Variants in C1orf54 observed in about 807,000 individuals in gnomAD.
C1orf54 encodes chromosome 1 open reading frame 54.
In C1orf54, 12 loss-of-function variants were observed where a neutral mutation model predicts 14.7. The ratio of observed to expected loss-of-function variants is 0.82; its 90% CI spans 0.52 to 1.32. The LOEUF (loss-of-function observed/expected upper bound fraction) is 1.32. Among genes scored for constraint, C1orf54 ranks in the 40% most tolerant of loss-of-function variants. The probability of loss-of-function intolerance (pLI) is 0.00; values close to 1 mark genes in which losing one functional copy is unlikely to be tolerated. For synonymous variants in C1orf54, 65 were observed against 56.3 expected, an observed-to-expected ratio of 1.16 and a Z score of -0.70; for missense variants, 163 against 162.2, an observed-to-expected ratio of 1.00 and a Z score of -0.03.
chr1:150,269,209 C>T (rs1288118175), upstream of C1orf54: 2 of 186,298 alleles, frequency 1.1e-5, no homozygotes, highest in Admixed American at 5.6e-5. Context: ...CCAGTCGAGA[C>T]ACCAATTCCA....
At chr1:150,270,453 C>A (rs1474451207), upstream of C1orf54, among the ~76,000 whole-genome samples, 2 of 151,528 alleles carry the variant, frequency 1.3e-5, no homozygotes, top group Non-Finnish European at 2.9e-5. Context: ...ACTAGCCTGG[C>A]CAGTGTGGTA....
At chr1:150,275,999 C>T (rs1189591871) in intron 3 of C1orf54, among the ~76,000 whole-genome samples, 200 bp downstream of exon 3, 1 of 152,056 alleles carries the variant, frequency 6.6e-6, no homozygotes, top group Non-Finnish European at 1.5e-5. Context: ...ATTAGTTGGA[C>T]ATGGTAGCAT....
intron 1 of C1orf54, among the ~76,000 whole-genome samples, chr1:150,273,153 CAG>C (rs1216970396): frequency 6.6e-6 from 1 of 152,156 alleles, no homozygotes; most frequent in African/African-American, 2.4e-5. Context: ...AACAAGATGA[CAG>C]GGGCTAAAGT....
chr1:150,272,912 A>C, intron 1 of C1orf54, 49 bp downstream of exon 1: 2 of 1,600,164 alleles, frequency 1.2e-6, no homozygotes, highest in East Asian at 4.5e-5. Context: ...TTCTACCATA[A>C]ATGGGGTGGG....
At chr1:150,269,951 A>T (rs1652079602), upstream of C1orf54, among the ~76,000 whole-genome samples, 1 of 152,078 alleles carries the variant, frequency 6.6e-6, no homozygotes, top group Non-Finnish European at 1.5e-5. Flanking sequence ...GGGCAAATAT[A>T]GCTTGAACCC....
At chr1:150,278,860 C>T (rs1652877148) in intron 4 of C1orf54, among the ~76,000 whole-genome samples, 1 of 152,150 alleles carries the variant, frequency 6.6e-6, no homozygotes, top group African/African-American at 2.4e-5. Flanking sequence ...AAAAGAGAAG[C>T]AACGGCTGGA....
chr1:150,276,695 T>C (rs1652690968), intron 4 of C1orf54, 63 bp downstream of exon 4: 5 of 1,293,148 alleles, frequency 3.9e-6, no homozygotes, highest in African/African-American at 2.9e-5. Context: ...GTGGAATACA[T>C]AGAGGGCTGG....
At chr1:150,270,856 C>T (rs1324810272), upstream of C1orf54, among the ~76,000 whole-genome samples, 3 of 151,024 alleles carry the variant, frequency 2.0e-5, no homozygotes, top group Non-Finnish European at 3.0e-5. Flanking sequence ...ATTAGCCAGG[C>T]GTGGTGGCGG....
chr1:150,277,996 C>T (rs887834643), intron 4 of C1orf54, among the ~76,000 whole-genome samples: 3 of 152,110 alleles, frequency 2.0e-5, no homozygotes, highest in Non-Finnish European at 4.4e-5. Flanking sequence ...ACCTGGGAGG[C>T]TGAGGCAGGA....
upstream of C1orf54, chr1:150,272,612 T>A (rs1228136768): frequency 3.4e-6 from 2 of 594,150 alleles, no homozygotes; most frequent in Non-Finnish European, 6.0e-6. Flanking sequence ...CCCTTTTGCC[T>A]CTCAATCTGG....
upstream of C1orf54, chr1:150,272,384 C>G (rs1652271583): frequency 5.7e-6 from 1 of 175,178 alleles, no homozygotes; most frequent in African/African-American, 2.4e-5. Context: ...GATGAAGCCT[C>G]AGAGAGAAAG....
chr1:150,273,855 T>A (rs1407776517), intron 1 of C1orf54, among the ~76,000 whole-genome samples: 1 of 152,140 alleles, frequency 6.6e-6, no homozygotes, highest in East Asian at 1.9e-4. Context: ...TAGGAGTTCC[T>A]GGATTGAAAG....
chr1:150,268,983 G>T (rs201940610), upstream of C1orf54: 3 of 573,848 alleles, frequency 5.2e-6, no homozygotes, highest in African/African-American at 5.7e-5. Flanking sequence ...CCCAAATGAA[G>T]GTCCGCGCCA....
intron 2 of C1orf54, among the ~76,000 whole-genome samples, chr1:150,275,111 T>C (rs1055097891): frequency 6.6e-6 from 1 of 151,304 alleles, no homozygotes; most frequent in Admixed American, 6.6e-5. Context: ...CAATCTCAGC[T>C]CACTGCAACC....
chr1:150,268,766 G>A (rs1651974997), upstream of C1orf54: 1 of 1,613,868 alleles, frequency 6.2e-7, no homozygotes, highest in African/African-American at 1.3e-5. Context: ...CGAAGGCCGG[G>A]CCGAACGCGA....
chr1:150,268,904 G>GTTGCC, upstream of C1orf54: 4 of 1,098,220 alleles, frequency 3.6e-6, no homozygotes, highest in Non-Finnish European at 5.3e-6. Flanking sequence ...GTGGCAACGC[G>GTTGCC]ACCCCACGAG....
chr1:150,275,902 C>A, intron 3 of C1orf54, 103 bp downstream of exon 3: 1 of 984,184 alleles, frequency 1.0e-6, no homozygotes, highest in Non-Finnish European at 1.5e-6. Context: ...TTTGGGAGGC[C>A]AAGGCGAGTG....
chr1:150,280,087 G>A (rs587738875), intron 5 of C1orf54, among the ~76,000 whole-genome samples: 2 of 152,178 alleles, frequency 1.3e-5, no homozygotes, highest in South Asian at 4.1e-4. Flanking sequence ...AGTTGGGTGT[G>A]GTAGCACAGG....
upstream of C1orf54, chr1:150,272,651 C>A: frequency 4.5e-6 from 3 of 668,188 alleles, no homozygotes; most frequent in East Asian, 2.7e-5. Context: ...CGGCAGTAAC[C>A]GGAGATCTAG....
Sources: gnomAD v4.1 joint callset for allele counts (sites outside exome capture counted in the v4.1 genomes callset) on GRCh38, gnomAD v4.1.1 for gene constraint, MANE v1.5 for transcripts, NCBI Gene and HGNC (gene_info 2026-07-23, HGNC 2026-07-21) for gene names.